Variants in GABBR2 observed in about 807,000 individuals in gnomAD.
The protein encoded by GABBR2 is G-protein coupled receptor 51.
In GABBR2, 23 loss-of-function variants were observed where a neutral mutation model predicts 105.6. The observed-to-expected ratio is 0.22, with a 90% confidence interval of 0.16 to 0.31. The LOEUF (loss-of-function observed/expected upper bound fraction) is 0.31, where lower values mean the gene tolerates loss of function less well. GABBR2 is among the 10% of genes least tolerant of loss of function. The pLI is 1.00. For synonymous variants in GABBR2, 478 were observed against 499.7 expected (o/e 0.96, Z 0.58); for missense variants, 734 against 1,245.5 (o/e 0.59, Z 6.18).
At chr9:98,334,424 C>T (rs1831079931) in intron 13 of GABBR2, among the ~76,000 whole-genome samples, 1 of 152,192 alleles carries the variant, frequency 6.6e-6, no homozygotes, top group Non-Finnish European at 1.5e-5. Context: ...TCATGCGTAG[C>T]AAGCAAGGTT....
At position 98,530,901 on chromosome 9, in the gene GABBR2, C is replaced by T. The variant is rs117685732; in HGVS notation, c.630+10972G>A. Among the ~76,000 whole-genome samples the T allele has an allele frequency of 9.0e-3, 1,366 of 152,238 alleles. 10 individuals carry two copies. Among genetic ancestry groups the T allele is most frequent in the Middle Eastern group, 0.017 (5 of 294 alleles). ...AATCACATTTTCCTACTCCCAAGGT[C>T]CTGATGTGTGTGTGTATAGAGGGGG... On this transcript the variant is annotated intron_variant, in intron 3 of 18. Transcript: ENST00000259455.
intron 11 of GABBR2, among the ~76,000 whole-genome samples, chr9:98,371,774 C>G (rs1831787057): frequency 6.6e-6 from 1 of 152,240 alleles, no homozygotes; most frequent in African/African-American, 2.4e-5. Context: ...ACCCAGGTCA[C>G]TAGGCACACA....
intron 13 of GABBR2, among the ~76,000 whole-genome samples, chr9:98,352,519 A>G (rs1280261557): frequency 2.6e-5 from 4 of 152,040 alleles, no homozygotes; most frequent in African/African-American, 9.7e-5. Context: ...AGATTCCCAG[A>G]TAGCACATGT....
At position 98,524,266 on chromosome 9, in the gene GABBR2, C is replaced by A. The variant is rs150055973; in HGVS notation, c.630+17607G>T. ...TGTATCTATAAACTGTATAGGGCACCTAAAAACATGGAAAGCTTTCCAACT... is the reference window on the plus strand; with the variant it reads ...TGTATCTATAAACTGTATAGGGCACATAAAAACATGGAAAGCTTTCCAACT... On this transcript the variant is annotated intron_variant, in intron 3 of 18. Transcript: ENST00000259455. Among the ~76,000 whole-genome samples the A allele has an allele frequency of 2.0e-3, 307 of 152,220 alleles. 2 individuals carry two copies. Among genetic ancestry groups the A allele is most frequent in the Middle Eastern group, 0.017 (5 of 294 alleles).
At chr9:98,455,113 C>T (rs1003490066) in intron 6 of GABBR2, among the ~76,000 whole-genome samples, 4 of 152,188 alleles carry the variant, frequency 2.6e-5, no homozygotes, top group South Asian at 2.1e-4. Context: ...ATTCCATCTA[C>T]CTTCCATAAT....
At chr9:98,461,625 T>C (rs1023176827) in intron 6 of GABBR2, among the ~76,000 whole-genome samples, 12 of 152,212 alleles carry the variant, frequency 7.9e-5, no homozygotes, top group African/African-American at 2.9e-4. Flanking sequence ...AATGACAAGA[T>C]AGGAAAATAT....
In GABBR2 at chr9:98,441,222, T is replaced by C. The variant is rs971166849; in HGVS notation, c.1236+12759A>G. On this transcript the variant is annotated intron_variant, in intron 7 of 18. Coordinates refer to ENST00000259455, the MANE Select transcript of GABBR2 (RefSeq NM_005458.8). ...CCCTCTAAAATTAGCAAACTACCTA[T>C]GATATCTTTAAAAATACTTAAAAAA... Among the ~76,000 whole-genome samples the C allele has an allele frequency of 2.0e-5, 3 of 152,270 alleles. No individual in the cohort carries two copies. The South Asian group carries it at 6.2e-4, about 32-fold the overall frequency.
At chr9:98,617,666 T>C (rs1156374594) in intron 1 of GABBR2, among the ~76,000 whole-genome samples, 1 of 152,090 alleles carries the variant, frequency 6.6e-6, no homozygotes, top group East Asian at 1.9e-4. Flanking sequence ...GATTAGATCC[T>C]CTCCAGTCAC....
intron 2 of GABBR2, among the ~76,000 whole-genome samples, chr9:98,572,909 CCA>C (rs1344458095): frequency 1.3e-5 from 2 of 152,158 alleles, no homozygotes. Context: ...TGATCCAGCC[CCA>C]GTGTCTAGTA....
chr9:98,341,925 G>T (rs1290285014), intron 13 of GABBR2, among the ~76,000 whole-genome samples: 1 of 152,180 alleles, frequency 6.6e-6, no homozygotes, highest in African/African-American at 2.4e-5. Flanking sequence ...ACATATGGAG[G>T]CATGGGGAGA....
intron 12 of GABBR2, among the ~76,000 whole-genome samples, chr9:98,363,666 G>A (rs1831627015): frequency 6.6e-6 from 1 of 152,266 alleles, no homozygotes; most frequent in Middle Eastern, 3.4e-3. Flanking sequence ...AGCACCTACC[G>A]GGGCCTGGTA....
chr9:98,602,701 A>G (rs1351554521), intron 1 of GABBR2, among the ~76,000 whole-genome samples: 1 of 152,224 alleles, frequency 6.6e-6, no homozygotes, highest in Non-Finnish European at 1.5e-5. Context: ...GAAATTGTTA[A>G]TTGATTCAGT....
chr9:98,565,331 C>T (rs1384061092), intron 2 of GABBR2, among the ~76,000 whole-genome samples: 3 of 152,196 alleles, frequency 2.0e-5, no homozygotes, highest in African/African-American at 7.2e-5. Flanking sequence ...TTCCTTCTCA[C>T]AGCTTCTAGA....
chr9:98,578,928 G>A (rs1194976845), intron 1 of GABBR2, among the ~76,000 whole-genome samples: 1 of 152,182 alleles, frequency 6.6e-6, no homozygotes, highest in Non-Finnish European at 1.5e-5. Flanking sequence ...GAGAAAGAAA[G>A]TAGAAATGGT....
At chr9:98,298,904 C>T (rs749540327) in intron 17 of GABBR2, among the ~76,000 whole-genome samples, 35 of 152,144 alleles carry the variant, frequency 2.3e-4, no homozygotes, top group Non-Finnish European at 4.7e-4. Context: ...GTAAACTATT[C>T]GCTAAGAACA....
chr9:98,581,920 G>A (rs900712913), intron 1 of GABBR2, among the ~76,000 whole-genome samples: 2 of 152,044 alleles, frequency 1.3e-5, no homozygotes, highest in African/African-American at 2.4e-5. Context: ...ATGATGTCAC[G>A]GCTTCTCACA....
At chr9:98,345,826 G>A (rs1172058647) in intron 13 of GABBR2, among the ~76,000 whole-genome samples, 1 of 152,174 alleles carries the variant, frequency 6.6e-6, no homozygotes, top group Non-Finnish European at 1.5e-5. Context: ...GATACTGCAG[G>A]TTAGATTCCA....
intron 1 of GABBR2, among the ~76,000 whole-genome samples, chr9:98,603,546 C>T (rs950700721): frequency 8.5e-5 from 13 of 152,198 alleles, no homozygotes; most frequent in Admixed American, 7.2e-4. Context: ...TCCAGCTCTA[C>T]GTTTGCTTTT....
intron 12 of GABBR2, among the ~76,000 whole-genome samples, chr9:98,364,160 C>T (rs762045200): frequency 4.6e-5 from 7 of 152,182 alleles, no homozygotes; most frequent in Admixed American, 6.5e-5. Flanking sequence ...CGGCAAAGCC[C>T]GCTCTGAGAT....
Sources: gnomAD v4.1 joint callset for allele counts (sites outside exome capture counted in the v4.1 genomes callset) on GRCh38, gnomAD v4.1.1 for gene constraint, MANE v1.5 for transcripts, NCBI Gene and HGNC (gene_info 2026-07-23, HGNC 2026-07-21) for gene names.